ZMYND11: variants seen among roughly 807,000 people sequenced by gnomAD.
The protein encoded by ZMYND11 is zinc finger MYND domain-containing protein 11.
Under a neutral mutation model 84.9 loss-of-function variants are expected in ZMYND11, and 9 were observed. The ratio of observed to expected loss-of-function variants is 0.11; its 90% CI spans 0.06 to 0.18. The LOEUF (loss-of-function observed/expected upper bound fraction) is 0.18. ZMYND11 is among the 10% of genes least tolerant of loss of function. ZMYND11 has a pLI of 1.00. For synonymous variants in ZMYND11, 250 were observed against 244.1 expected, an observed-to-expected ratio of 1.02 and a Z score of -0.23; for missense variants, 409 against 761.0, an observed-to-expected ratio of 0.54 and a Z score of 5.44.
At chr10:138,945 G>A (rs1836807453) in intron 1 of ZMYND11, among the ~76,000 whole-genome samples, 1 of 152,134 alleles carries the variant, frequency 6.6e-6, no homozygotes, top group South Asian at 2.1e-4. Context: ...CTGGGTTCAA[G>A]TGATTCTCCT....
chr10:166,507 T>C (rs1238403527), intron 1 of ZMYND11, among the ~76,000 whole-genome samples: 3 of 152,060 alleles, frequency 2.0e-5, no homozygotes, highest in Non-Finnish European at 4.4e-5. Context: ...ACATCATTAG[T>C]CATTAGAAAA....
intron 1 of ZMYND11, among the ~76,000 whole-genome samples, chr10:140,974 A>G (rs1837367420): frequency 6.6e-6 from 1 of 152,252 alleles, no homozygotes; most frequent in Admixed American, 6.5e-5. Context: ...CAGAGTTTTA[A>G]AGGAATCATA....
chr10:169,109 A>C (rs1844687444), intron 1 of ZMYND11, among the ~76,000 whole-genome samples: 2 of 152,078 alleles, frequency 1.3e-5, no homozygotes, highest in South Asian at 4.1e-4. Flanking sequence ...ACCAAAGCCT[A>C]ACCTACCTGG....
intron 2 of ZMYND11, among the ~76,000 whole-genome samples, chr10:196,480 A>G (rs1941778740): frequency 6.6e-6 from 1 of 152,212 alleles, no homozygotes; most frequent in African/African-American, 2.4e-5. Flanking sequence ...AGATGTATAT[A>G]ATTTGAAAAT....
At chr10:154,673 T>C (rs986547726) in intron 1 of ZMYND11, among the ~76,000 whole-genome samples, 3 of 152,224 alleles carry the variant, frequency 2.0e-5, no homozygotes, top group African/African-American at 7.2e-5. Flanking sequence ...TGAGAATCGA[T>C]GTAGGTAAAA....
intron 4 of ZMYND11, among the ~76,000 whole-genome samples, chr10:236,193 C>G (rs1949929999): frequency 6.6e-6 from 1 of 152,192 alleles, no homozygotes; most frequent in South Asian, 2.1e-4. Flanking sequence ...AGGAAATAGG[C>G]ACACTTGTCC....
At chr10:211,279 AT>A (rs1283292058) in intron 3 of ZMYND11, among the ~76,000 whole-genome samples, 3 of 152,052 alleles carry the variant, frequency 2.0e-5, no homozygotes, top group African/African-American at 4.8e-5. Context: ...AGATAGACAT[AT>A]CCCTTTCAAA....
In ZMYND11 at chr10:248,539, C is replaced by G; in HGVS notation, c.1431C>G (p.Asp477Glu). The G allele has an allele frequency of 6.2e-7, 1 of 1,614,068 alleles. No individual in the cohort carries two copies. The highest frequency in any genetic ancestry group is 1.1e-5 in the South Asian group (1 of 91,082). ...ACAAATACACCAAGATCTTCAATGA[C>G]TTCAAAGACCGGATGAAGTCGGACC... ...CHDKYTKIFN[D>E]FKDRMKSDHK... Residue 477 changes from aspartate to glutamate, a missense_variant, in exon 13 of 15, where the codon GAC becomes GAG. Asp to Glu is a conservative substitution (Grantham distance 45). Coordinates refer to ENST00000381604, the MANE Select transcript of ZMYND11 (RefSeq NM_001370100.5).
At chr10:144,126 G>A (rs1237634245) in intron 1 of ZMYND11, among the ~76,000 whole-genome samples, 4 of 152,038 alleles carry the variant, frequency 2.6e-5, no homozygotes, top group African/African-American at 9.7e-5. Context: ...AAGCTGAACA[G>A]CCAGCAGTAC....
chr10:136,187 C>T (rs1268328770), intron 1 of ZMYND11, among the ~76,000 whole-genome samples: 1 of 152,116 alleles, frequency 6.6e-6, no homozygotes, highest in South Asian at 2.1e-4. Flanking sequence ...GTCCGCCGCC[C>T]TCCTCCCACC....
Position 248,557 on chromosome 10 carries a change from G to A in ZMYND11, c.1449G>A (p.Lys483=), listed in dbSNP as rs1017450326. The A allele has an allele frequency of 3.1e-6, 5 of 1,613,568 alleles. No homozygotes were observed. The highest frequency in any genetic ancestry group is 4.2e-6 in the Non-Finnish European group (5 of 1,179,988). ...KIFNDFKDRM[K]SDHKRETERV... is the part of the protein sequence containing the mutation. ...TCAATGACTTCAAAGACCGGATGAA[G>A]TCGGACCACAAGCGGGAGACAGAGC... is the stretch of plus-strand genomic sequence containing the variant. Residue 483 remains lysine (K), a synonymous_variant, in exon 13 of 15, where the codon AAG becomes AAA. Coordinates refer to ENST00000381604, the MANE Select transcript of ZMYND11 (RefSeq NM_001370100.5).
At chr10:245,110 T>C (rs956405154) in intron 10 of ZMYND11, among the ~76,000 whole-genome samples, 4 of 152,204 alleles carry the variant, frequency 2.6e-5, no homozygotes, top group Non-Finnish European at 5.9e-5. Context: ...ACAAGCATGA[T>C]TTCATGTGTA....
chr10:159,336 T>G (rs1842486948), intron 1 of ZMYND11, among the ~76,000 whole-genome samples: 1 of 152,130 alleles, frequency 6.6e-6, no homozygotes, highest in Admixed American at 6.5e-5. Flanking sequence ...CTAGAGATGG[T>G]GACATTTTGT....
At position 236,902 on chromosome 10, in the gene ZMYND11, G is replaced by C; in HGVS notation, c.503G>C (p.Arg168Pro). Residue 168 changes from arginine to proline, a missense_variant, in exon 5 of 15, where the codon CGC becomes CCC. Arg to Pro is a moderately radical substitution (Grantham distance 103). Around this residue, in one of 7 missense-constraint regions of ZMYND11, gnomAD observed 53 missense variants for 71.1 expected, o/e 0.75. Coordinates refer to ENST00000381604, the MANE Select transcript of ZMYND11 (RefSeq NM_001370100.5). ...MGTYLRFIVS[R>P]MKERAIDLNK... ...ACATACCTCAGATTCATTGTCTCCC[G>C]CATGAAGGAGAGGGTGAGTCCTGCT... 6.2e-7 allele frequency: 1 copy of C among 1,612,854 alleles called. No homozygotes were observed. Among genetic ancestry groups the C allele is most frequent in the Non-Finnish European group, 8.5e-7 (1 of 1,179,446 alleles).
intron 6 of ZMYND11, among the ~76,000 whole-genome samples, chr10:239,056 C>T (rs570170224): frequency 6.6e-6 from 1 of 152,216 alleles, no homozygotes; most frequent in Non-Finnish European, 1.5e-5. Flanking sequence ...CTCGATCCTC[C>T]TGTGTTGTAA....
chr10:136,823 T>C (rs1290686812), intron 1 of ZMYND11, among the ~76,000 whole-genome samples: 4 of 152,064 alleles, frequency 2.6e-5, no homozygotes, highest in East Asian at 1.9e-4. Context: ...CAGCACCCAG[T>C]GTCATATACA....
upstream of ZMYND11, among the ~76,000 whole-genome samples, chr10:130,640 C>G (rs1554749827): frequency 1.3e-5 from 2 of 152,096 alleles, no homozygotes; most frequent in Admixed American, 6.6e-5. Flanking sequence ...AATAACTTGT[C>G]CAAGGTCAAT....
chr10:152,045 T>G (rs1163787244), intron 1 of ZMYND11, among the ~76,000 whole-genome samples: 1 of 152,192 alleles, frequency 6.6e-6, no homozygotes, highest in Admixed American at 6.5e-5. Flanking sequence ...AGGCCTGCCC[T>G]ACAAGAGCTC....
At position 252,551 on chromosome 10, in the gene ZMYND11, T is replaced by G; in HGVS notation, c.*81T>G. On this transcript the variant is annotated 3_prime_UTR_variant, in exon 15 of 15. Transcript: ENST00000381604. The surrounding 1 kb of genome is among the most constrained non-coding windows in gnomAD (Gnocchi z 4.6). ...TTGTTTCCAAGAAGCCAAAATTGTTTAGAATTTGCTTCCCATTTTGCACCA... is the reference window on the plus strand; with the variant it reads ...TTGTTTCCAAGAAGCCAAAATTGTTGAGAATTTGCTTCCCATTTTGCACCA... The G allele has an allele frequency of 6.6e-7, 1 of 1,512,824 alleles. No homozygotes were observed. The highest frequency in any genetic ancestry group is 8.8e-7 in the Non-Finnish European group (1 of 1,134,654). 93.7% of individuals were successfully genotyped at this position (1,512,824 alleles called of 1,614,324 possible). A position where few individuals can be genotyped will look rare whatever the true frequency, so the allele number is the denominator to read the frequency against.
Sources: gnomAD v4.1 joint callset for allele counts (sites outside exome capture counted in the v4.1 genomes callset) on GRCh38, gnomAD v4.1.1 for gene constraint, gnomAD v4.1.1 regional missense constraint, Gnocchi (gnomAD v3.1) non-coding constraint, MANE v1.5 for transcripts, NCBI Gene and HGNC (gene_info 2026-07-23, HGNC 2026-07-21) for gene names.